The following UBE3A variants were observed in gnomAD, a reference collection of about 807,000 sequenced individuals.
UBE3A encodes the protein ubiquitin protein ligase E3A, also known as ubiquitin-protein ligase E3A.
Under a neutral mutation model 83.4 loss-of-function variants are expected in UBE3A, and 6 were observed. The observed-to-expected ratio is 0.07, with a 90% CI of 0.04 to 0.14. The LOEUF is 0.14. Ranked by LOEUF, UBE3A falls within the 10% of genes least tolerant of loss-of-function variation. The probability of loss-of-function intolerance (pLI) is 1.00; values close to 1 mark genes in which losing one functional copy is unlikely to be tolerated. For synonymous variants in UBE3A, 337 were observed against 355.4 expected, an observed-to-expected ratio of 0.95 and a Z score of 0.58; for missense variants, 456 against 1,036.1, an observed-to-expected ratio of 0.44 and a Z score of 7.69.
At chr15:25,430,055 A>ATATATATATG (rs1342895448) in intron 1 of UBE3A, among the ~76,000 whole-genome samples, 1 of 108,688 alleles carries the variant, frequency 9.2e-6, no homozygotes, top group African/African-American at 4.3e-5. Context: ...ATATATTTAT[A>ATATATATATG]TGTATTATAT....
At chr15:25,425,618 C>A (rs546779537) in intron 1 of UBE3A, among the ~76,000 whole-genome samples, 11 of 152,058 alleles carry the variant, frequency 7.2e-5, no homozygotes, top group Non-Finnish European at 1.5e-4. Flanking sequence ...TTTCCCTCTA[C>A]AGTTAAACAC....
At chr15:25,340,013 C>CAGTT in intron 12 of UBE3A, 72 bp downstream of exon 12, 1 of 1,574,634 alleles carries the variant, frequency 6.4e-7, no homozygotes. Context: ...ACTATAAAGA[C>CAGTT]AGTTCATATG....
intron 5 of UBE3A, chr15:25,375,199 C>G (rs1201483915): frequency 2.3e-6 from 1 of 431,738 alleles, no homozygotes; most frequent in East Asian, 4.9e-5. Flanking sequence ...TTCACTACCA[C>G]TTAATACATT....
At position 25,360,286 on chromosome 15, in the gene UBE3A, C is replaced by G. The variant is rs146997852; in HGVS notation, c.1753+97G>C. ...TAATCCATACCAAATCCTTCTTTTG[C>G]TGCTCTTCATAGCTGAAAATATTTA... On this transcript the variant is annotated intron_variant, in intron 7 of 12. Coordinates refer to ENST00000648336, the MANE Select transcript of UBE3A (RefSeq NM_130839.5). 505 of 1,535,752 alleles carry G rather than the reference C, an allele frequency of 3.3e-4. No individual in the cohort carries two copies. In the African/African-American group the frequency reaches 6.1e-3, roughly 18 times the overall value.
chr15:25,340,164 T>C lies in UBE3A; in HGVS notation c.2419A>G (p.Thr807Ala), dbSNP rs374519603. The C allele has an allele frequency of 4.3e-6, 7 of 1,614,094 alleles. No homozygotes were observed. The highest frequency in any genetic ancestry group is 5.1e-6 in the Non-Finnish European group (6 of 1,179,980). Residue 807 changes from threonine to alanine, a missense_variant, in exon 12 of 13, where the codon ACG becomes GCG. By Grantham distance (58) the Thr-to-Ala change is moderately conservative (BLOSUM62 0). Around this residue, in one of 13 missense-constraint regions of UBE3A, gnomAD observed 82 missense variants for 199.3 expected, o/e 0.41. Transcript: ENST00000648336. Reference protein sequence around the residue: ...EQKRLFLQFTTGTDRAPVGGL... With the variant: ...EQKRLFLQFTAGTDRAPVGGL... ...CCCACAGGTGCTCTGTCTGTGCCCG[T>C]TGTAAACTGCAAGAAGAGTCTTTTC...
At chr15:25,428,153 G>A (rs1459919299) in intron 1 of UBE3A, among the ~76,000 whole-genome samples, 1 of 151,932 alleles carries the variant, frequency 6.6e-6, no homozygotes, top group Non-Finnish European at 1.5e-5. Context: ...TTAAAAAACT[G>A]TACACTTAAA....
In UBE3A at chr15:25,354,463, ATAC is replaced by A. The variant is rs2066728; in HGVS notation, c.2281-40_2281-38del. 15,087 of 1,613,438 alleles carry A rather than the reference ATAC, an allele frequency of 9.4e-3. 1,222 individuals are homozygous for A. In the African/African-American group the frequency reaches 0.18, roughly 19 times the overall value. ...AGAAAATATGTCTTAGTTATCTGCT[ATAC>A]TACTGTATCATTACAAACAATAAAT... is the stretch of plus-strand genomic sequence containing the variant. On this transcript the variant is annotated intron_variant, in intron 10 of 12. Coordinates refer to ENST00000648336, the MANE Select transcript of UBE3A (RefSeq NM_130839.5).
chr15:25,350,900 T>C lies in UBE3A; in HGVS notation c.2354+3453A>G, dbSNP rs560464293. Among the ~76,000 whole-genome samples the C allele has an allele frequency of 2.0e-5, 3 of 152,336 alleles. No individual in the cohort carries two copies. The East Asian group carries it at 5.8e-4, about 29-fold the overall frequency. ...CAGTAATTAGGACAGTTATTGTCTG[T>C]TCTAATGGGGGATGGAGATTCACTG... On this transcript the variant is annotated intron_variant, in intron 11 of 12. Transcript: ENST00000648336.
At chr15:25,402,823 T>G (rs2087507646) in intron 4 of UBE3A, among the ~76,000 whole-genome samples, 1 of 152,204 alleles carries the variant, frequency 6.6e-6, no homozygotes, top group Non-Finnish European at 1.5e-5. Flanking sequence ...TAATCTCTCG[T>G]CTGGTTTCTT....
At chr15:25,384,468 A>G (rs2082740149) in intron 4 of UBE3A, among the ~76,000 whole-genome samples, 1 of 151,636 alleles carries the variant, frequency 6.6e-6, no homozygotes, top group African/African-American at 2.4e-5. Flanking sequence ...TCAAAAAAAA[A>G]AAAAAAAGAA....
chr15:25,393,418 CAAAG>C (rs1376724585), intron 4 of UBE3A, among the ~76,000 whole-genome samples: 1 of 152,096 alleles, frequency 6.6e-6, no homozygotes, highest in African/African-American at 2.4e-5. Flanking sequence ...AGTTAAAAAA[CAAAG>C]AACTCGGTGA....
intron 4 of UBE3A, among the ~76,000 whole-genome samples, chr15:25,392,211 G>A (rs1478109585): frequency 6.6e-6 from 1 of 152,154 alleles, no homozygotes; most frequent in Admixed American, 6.5e-5. Context: ...TTCTGTAACT[G>A]GAAATGAAGA....
At chr15:25,382,979 T>C (rs2082457145) in intron 4 of UBE3A, among the ~76,000 whole-genome samples, 1 of 151,844 alleles carries the variant, frequency 6.6e-6, no homozygotes, top group Non-Finnish European at 1.5e-5. Context: ...CTGAAAACTC[T>C]ACCAAACATT....
intron 6 of UBE3A, among the ~76,000 whole-genome samples, chr15:25,368,351 T>C (rs1243433608): frequency 2.0e-5 from 3 of 152,138 alleles, no homozygotes; most frequent in African/African-American, 7.2e-5. Flanking sequence ...ATTTCGATGC[T>C]GGTTTTTCTA....
chr15:25,357,902 C>CTTTTTTTT (rs35596421), intron 7 of UBE3A, among the ~76,000 whole-genome samples: 1 of 95,744 alleles, frequency 1.0e-5, no homozygotes, highest in Non-Finnish European at 2.0e-5. Flanking sequence ...ATCATGGAGG[C>CTTTTTTTT]TTTTTTTTTT....
intron 1 of UBE3A, among the ~76,000 whole-genome samples, chr15:25,430,027 CTATATATA>C (rs199950859): frequency 4.5e-5 from 3 of 66,172 alleles, no homozygotes; most frequent in East Asian, 6.2e-4. Flanking sequence ...AAAAAAAAAC[CTATATATA>C]TATATATATA....
At chr15:25,345,731 T>G (rs1026493260) in intron 11 of UBE3A, 1 of 151,420 alleles carries the variant, frequency 6.6e-6, no homozygotes, top group African/African-American at 2.4e-5. Flanking sequence ...GTAAACAAAT[T>G]TCAAACTGAG....
rs189256829 is a variant in UBE3A at position 25,338,159 on chromosome 15, C to G, written c.*978G>C. ...AGACTTTGGATTGTCTATTTAAAAT[C>G]TAGGTAATAAGTAAGTAATTAATAA... On this transcript the variant is annotated 3_prime_UTR_variant, in exon 13 of 13. Transcript: ENST00000648336. 2 of 152,038 alleles carry G rather than the reference C, an allele frequency of 1.3e-5. No individual in the cohort carries two copies. The highest frequency in any genetic ancestry group is 2.9e-5 in the Non-Finnish European group (2 of 67,960). 9.4% of individuals were successfully genotyped at this position (152,038 alleles called of 1,614,324 possible).
At chr15:25,405,380 T>C in intron 4 of UBE3A, 81 bp downstream of exon 4, 1 of 1,465,950 alleles carries the variant, frequency 6.8e-7, no homozygotes. Context: ...CCAGAAATTA[T>C]TTCCAAATAA....
Sources: gnomAD v4.1 joint callset for allele counts (sites outside exome capture counted in the v4.1 genomes callset) on GRCh38, gnomAD v4.1.1 for gene constraint, gnomAD v4.1.1 regional missense constraint, MANE v1.5 for transcripts, NCBI Gene and HGNC (gene_info 2026-07-23, HGNC 2026-07-21) for gene names.